Variants in FMN1 observed in about 807,000 individuals in gnomAD.
The protein encoded by FMN1 is formin-1.
A neutral mutation model predicts 132.4 loss-of-function variants in FMN1; 110 were observed. The ratio of observed to expected loss-of-function variants is 0.83; its 90% CI spans 0.71 to 0.97. The LOEUF (loss-of-function observed/expected upper bound fraction) is 0.97, where lower values mean the gene tolerates loss of function less well. FMN1 is among the 50% of genes least tolerant of loss of function. FMN1 has a pLI of 0.00. For synonymous variants in FMN1, 722 were observed against 651.7 expected (o/e 1.11, Z -1.64); for missense variants, 1,792 against 1,705.3 (o/e 1.05, Z -0.90).
Position 32,783,771 on chromosome 15 carries a change from A to G in FMN1, c.4131-6852T>C, listed in dbSNP as rs1487051253. On this transcript the variant is annotated intron_variant, in intron 19 of 20. Coordinates refer to ENST00000616417, the MANE Select transcript of FMN1 (RefSeq NM_001277313.2). ...AAAAAAAAAAAAAAAAAAAAAAAAAAAAAAAAAAAAAAATAGTTGAAGTGG... is the reference window on the plus strand; with the variant it reads ...AAAAAAAAAAAAAAAAAAAAAAAAAGAAAAAAAAAAAAATAGTTGAAGTGG... Among the ~76,000 whole-genome samples the G allele has an allele frequency of 6.7e-4, 84 of 124,688 alleles. 2 individuals carry two copies. Among genetic ancestry groups the G allele is most frequent in the African/African-American group, 2.3e-3 (74 of 32,256 alleles). 81.8% of individuals were successfully genotyped at this position (124,688 alleles called of 152,430 possible). A position where few individuals can be genotyped will look rare whatever the true frequency, so the allele number is the denominator to read the frequency against.
chr15:33,022,175 ACTTAT>A (rs1255259667), intron 6 of FMN1, among the ~76,000 whole-genome samples: 1 of 152,216 alleles, frequency 6.6e-6, no homozygotes. Flanking sequence ...CTATGTAAAT[ACTTAT>A]CTTTTTTATT....
intron 3 of FMN1, among the ~76,000 whole-genome samples, chr15:33,171,215 G>A (rs1965310189): frequency 6.6e-6 from 1 of 152,194 alleles, no homozygotes. Context: ...AGACTGAGAA[G>A]GGGATGTGGA....
chr15:32,911,437 C>G (rs1297917183), intron 10 of FMN1, among the ~76,000 whole-genome samples: 1 of 152,086 alleles, frequency 6.6e-6, no homozygotes, highest in Non-Finnish European at 1.5e-5. Flanking sequence ...TTAAACCAAC[C>G]AGTGATACTT....
intron 7 of FMN1, among the ~76,000 whole-genome samples, chr15:32,996,718 T>C (rs990334848): frequency 4.6e-5 from 7 of 151,966 alleles, no homozygotes; most frequent in African/African-American, 1.4e-4. Context: ...GCACACATAA[T>C]GTTACGCGCG....
intron 17 of FMN1, among the ~76,000 whole-genome samples, chr15:32,853,488 A>G (rs77394014): frequency 0.041 from 6,185 of 152,302 alleles, 418 homozygotes; most frequent in African/African-American, 0.13. Context: ...CTGTATGACA[A>G]TTGTCATAGA....
chr15:33,067,706 A>G, intron 5 of FMN1: 1 of 1,613,976 alleles, frequency 6.2e-7, no homozygotes, highest in Non-Finnish European at 8.5e-7. Context: ...TAAACTATGG[A>G]ATGCTTTCAG....
At chr15:33,151,032 A>G (rs1964417824) in intron 4 of FMN1, 1 of 1,172,726 alleles carries the variant, frequency 8.5e-7, no homozygotes, top group East Asian at 3.9e-5. Flanking sequence ...TGGGCTTCCC[A>G]GCTGCAGGGA....
At position 32,965,980 on chromosome 15, in the gene FMN1, G is replaced by A. The variant is rs189559384; in HGVS notation, c.2988-1723C>T. Among the ~76,000 whole-genome samples the A allele has an allele frequency of 3.5e-3, 532 of 152,228 alleles. 1 individual carries two copies. The highest frequency in any genetic ancestry group is 7.7e-3 in the South Asian group (37 of 4,808). On this transcript the variant is annotated intron_variant, in intron 8 of 20. Coordinates refer to ENST00000616417, the MANE Select transcript of FMN1 (RefSeq NM_001277313.2). ...TAAGTGCTTATCTCTGTGGTGCTGG[G>A]GGAGACGGGGGAGAAGTAGGATCTT...
Position 32,884,426 on chromosome 15 carries a change from G to C in FMN1, c.3835+3746C>G, listed in dbSNP as rs193082702. Among the ~76,000 whole-genome samples, 25 of 152,222 alleles carry C rather than the reference G, an allele frequency of 1.6e-4. No homozygotes were observed. In the East Asian group the frequency reaches 3.3e-3, roughly 20 times the overall value. ...TATATCTCCCTCTGATCATAGCCAG[G>C]GAAAGTCCTCAGCGTTTAAAGACTG... On this transcript the variant is annotated intron_variant, in intron 16 of 20. Coordinates refer to ENST00000616417, the MANE Select transcript of FMN1 (RefSeq NM_001277313.2).
At chr15:32,919,492 T>C (rs1055635433) in intron 10 of FMN1, among the ~76,000 whole-genome samples, 2 of 152,228 alleles carry the variant, frequency 1.3e-5, no homozygotes, top group African/African-American at 4.8e-5. Flanking sequence ...AGCCTTGAGA[T>C]ATCAGGCTCA....
rs2056345486 is a variant in FMN1 at position 32,774,349 on chromosome 15, T to G, written c.4221A>C (p.Glu1407Asp). 6 of 1,594,444 alleles carry G rather than the reference T, an allele frequency of 3.8e-6. No homozygotes were observed. The highest frequency in any genetic ancestry group is 4.3e-6 in the Non-Finnish European group (5 of 1,170,338). The change falls in exon 21 of 21, where the codon GAA becomes GAC. Residue 1407 changes from glutamate (E) to aspartate (D), a missense_variant. By Grantham distance (45) the Glu-to-Asp change is conservative. This residue lies in a region of FMN1 where 1,150 missense variants were observed against 1,043.1 expected (regional missense o/e 1.10). Transcript: ENST00000616417. The part of the protein sequence containing the change: ...KKINPTASLK[E>D]RLRQKEASVT... ...CACTGGCTTCCTTCTGACGCAGTCTTTCTTTCTGTTAAGGAAAAAAAAATG... is the reference window on the plus strand; with the variant it reads ...CACTGGCTTCCTTCTGACGCAGTCTGTCTTTCTGTTAAGGAAAAAAAAATG...
chr15:32,942,150 G>A (rs1415733462), intron 9 of FMN1, among the ~76,000 whole-genome samples: 1 of 152,182 alleles, frequency 6.6e-6, no homozygotes, highest in Non-Finnish European at 1.5e-5. Context: ...TCGCCTAAGG[G>A]ACTCTCCCAA....
intron 4 of FMN1, among the ~76,000 whole-genome samples, chr15:33,096,485 A>T (rs767979387): frequency 2.0e-5 from 3 of 152,140 alleles, no homozygotes; most frequent in Non-Finnish European, 2.9e-5. Context: ...CTTTTGCCTG[A>T]GTGTCTTAGG....
In FMN1 at chr15:32,836,688, GTC is replaced by G. The variant is rs575982949; in HGVS notation, c.3928+20325_3928+20326del. 2.6e-5 allele frequency among the ~76,000 whole-genome samples: 4 copies of G among 152,156 alleles called. No individual in the cohort carries two copies. The South Asian group carries it at 6.2e-4, about 24-fold the overall frequency. ...ATTGCTTGAGCATACATCTCCCTCA[GTC>G]TCTCTCTTTTTTTTTAGAATGCAAA... On this transcript the variant is annotated intron_variant, in intron 17 of 20. Transcript: ENST00000616417.
At chr15:33,189,067 C>T (rs183550252) in intron 2 of FMN1, among the ~76,000 whole-genome samples, 1 of 152,022 alleles carries the variant, frequency 6.6e-6, no homozygotes, top group African/African-American at 2.4e-5. Context: ...CTTCAAATAT[C>T]GTGAAAATTA....
chr15:33,042,296 G>A (rs1463640605), intron 6 of FMN1, among the ~76,000 whole-genome samples: 1 of 152,134 alleles, frequency 6.6e-6, no homozygotes, highest in Non-Finnish European at 1.5e-5. Flanking sequence ...TGGGAAGACA[G>A]CATTATAAGG....
At chr15:32,795,157 G>A (rs144369561) in intron 19 of FMN1, among the ~76,000 whole-genome samples, 23 of 152,332 alleles carry the variant, frequency 1.5e-4, no homozygotes, top group African/African-American at 3.6e-4. Flanking sequence ...CTATGATTGC[G>A]TCATGGCACT....
At position 33,070,002 on chromosome 15, in the gene FMN1, T is replaced by C. The variant is rs983987294; in HGVS notation, c.2044-4928A>G. ...TAAGATCAGTCTTTCTCTTTTTTTT[T>C]TTTTTTTTTTTTTTTTTTTTGAGAC... On this transcript the variant is annotated intron_variant, in intron 5 of 20. Transcript: ENST00000616417. Among the ~76,000 whole-genome samples the C allele has an allele frequency of 5.8e-4, 76 of 131,422 alleles. 1 individual carries two copies. Among genetic ancestry groups the C allele is most frequent in the Admixed American group, 3.3e-3 (42 of 12,900 alleles). The allele number at this position is 131,422 out of a possible 152,430, so 86.2% of individuals were successfully genotyped here.
chr15:32,783,864 G>C (rs1045100759), intron 19 of FMN1, among the ~76,000 whole-genome samples: 24 of 151,526 alleles, frequency 1.6e-4, no homozygotes, highest in African/African-American at 5.8e-4. Context: ...AAGCCTATGG[G>C]CATACTGTGG....
Sources: allele counts gnomAD v4.1 joint callset (sites outside exome capture counted in the v4.1 genomes callset), GRCh38; gene constraint gnomAD v4.1.1; regional missense constraint gnomAD v4.1.1; transcripts MANE v1.5; gene names NCBI Gene and HGNC (gene_info 2026-07-23, HGNC 2026-07-21).